SLC25A26: variants seen among roughly 807,000 people sequenced by gnomAD.
The protein encoded by SLC25A26 is mitochondrial S-adenosylmethionine carrier protein.
Under a neutral mutation model 37.8 loss-of-function variants are expected in SLC25A26, and 36 were observed. The observed-to-expected ratio is 0.95, with a 90% CI of 0.73 to 1.26. The LOEUF (loss-of-function observed/expected upper bound fraction) is 1.26, where lower values mean the gene tolerates loss of function less well. Ranked by LOEUF, SLC25A26 falls within the 50% of genes most tolerant of loss-of-function variation. SLC25A26 has a pLI of 0.00. For missense variants in SLC25A26, 390 were observed against 331.1 expected (o/e 1.18, Z -1.38); for synonymous variants, 129 against 122.5 (o/e 1.05, Z -0.35).
chr3:66,162,903 G>T (rs543613365), intron 1 of SLC25A26, among the ~76,000 whole-genome samples: 84 of 152,312 alleles, frequency 5.5e-4, no homozygotes, highest in African/African-American at 1.9e-3. Context: ...GAAAGCTTAG[G>T]CTCAGAGAGA....
At chr3:66,171,482 C>A (rs539989645) in intron 1 of SLC25A26, among the ~76,000 whole-genome samples, 2 of 152,002 alleles carry the variant, frequency 1.3e-5, no homozygotes, top group African/African-American at 4.8e-5. Context: ...AATGAAGGAC[C>A]CTGAGATTTT....
chr3:66,175,123 A>G (rs1254705144), intron 1 of SLC25A26, among the ~76,000 whole-genome samples: 5 of 90,664 alleles, frequency 5.5e-5, no homozygotes, highest in African/African-American at 2.3e-4. Flanking sequence ...ATATATATAT[A>G]TATATATATA....
intron 5 of SLC25A26, among the ~76,000 whole-genome samples, chr3:66,269,607 T>G (rs1235931316): frequency 1.3e-5 from 2 of 152,214 alleles, no homozygotes; most frequent in East Asian, 3.8e-4. Flanking sequence ...TTGCACCAGT[T>G]GGATGTTTTC....
At chr3:66,208,252 G>C (rs1210455104) in intron 1 of SLC25A26, among the ~76,000 whole-genome samples, 1 of 152,088 alleles carries the variant, frequency 6.6e-6, no homozygotes, top group African/African-American at 2.4e-5. Flanking sequence ...TAAAAAGAGA[G>C]ATGATTTTCT....
intron 1 of SLC25A26, among the ~76,000 whole-genome samples, chr3:66,187,086 A>G (rs994098341): frequency 6.6e-6 from 1 of 151,194 alleles, no homozygotes; most frequent in African/African-American, 2.4e-5. Context: ...GCCTTGGCCA[A>G]CTCCAATCTT....
At position 66,204,252 on chromosome 3, in the gene SLC25A26, C is replaced by T. The variant is rs1209546466; in HGVS notation, c.-353-16490C>T. Among the ~76,000 whole-genome samples the T allele has an allele frequency of 2.6e-5, 4 of 151,580 alleles. No homozygotes were observed. In the East Asian group the frequency reaches 5.8e-4, roughly 22 times the overall value. On this transcript the variant is annotated intron_variant, in intron 1 of 10. Transcript: ENST00000676754. The stretch of plus-strand genomic sequence containing the variant: ...CATCCTGGCTAACACGGTGAAACCC[C>T]GTCTCTGCTTAAAATACAAAAAAAT...
intron 1 of SLC25A26, among the ~76,000 whole-genome samples, chr3:66,209,892 C>A (rs1466375802): frequency 0.029 from 709 of 24,502 alleles, 65 homozygotes; most frequent in African/African-American, 0.081. Context: ...CTCTCTCTCT[C>A]TCTATTTATA....
chr3:66,150,349 T>C (rs1055297561), intron 1 of SLC25A26, among the ~76,000 whole-genome samples: 2 of 150,016 alleles, frequency 1.3e-5, no homozygotes, highest in Non-Finnish European at 3.0e-5. Context: ...AATACAAAAA[T>C]TAGCTGGGCA....
intron 5 of SLC25A26, among the ~76,000 whole-genome samples, chr3:66,298,370 A>G (rs1045432371): frequency 1.3e-5 from 2 of 152,220 alleles, no homozygotes; most frequent in Non-Finnish European, 2.9e-5. Flanking sequence ...TTTTAATATA[A>G]TGAGAAATTT....
At chr3:66,365,875 G>C (rs1401503247) in intron 7 of SLC25A26, among the ~76,000 whole-genome samples, 1 of 152,196 alleles carries the variant, frequency 6.6e-6, no homozygotes, top group African/African-American at 2.4e-5. Flanking sequence ...GTAGGGTCTG[G>C]AGGAGCAATG....
chr3:66,338,157 C>T (rs192133174), intron 5 of SLC25A26, among the ~76,000 whole-genome samples: 9 of 151,988 alleles, frequency 5.9e-5, no homozygotes, highest in Admixed American at 5.9e-4. Flanking sequence ...AAGGGTTGTC[C>T]ATGTTACAGC....
At chr3:66,209,892 C>CATATATA (rs2071254603) in intron 1 of SLC25A26, among the ~76,000 whole-genome samples, 1 of 24,690 alleles carries the variant, frequency 4.1e-5, no homozygotes, top group African/African-American at 1.3e-4. Flanking sequence ...CTCTCTCTCT[C>CATATATA]TCTATTTATA....
At chr3:66,371,737 C>T (rs566277955) in intron 9 of SLC25A26, among the ~76,000 whole-genome samples, 1 of 152,188 alleles carries the variant, frequency 6.6e-6, no homozygotes, top group South Asian at 2.1e-4. Flanking sequence ...GCTGCCAGTT[C>T]CACAGCAAAC....
intron 5 of SLC25A26, among the ~76,000 whole-genome samples, chr3:66,278,664 A>C (rs2074236963): frequency 6.6e-6 from 1 of 152,136 alleles, no homozygotes; most frequent in South Asian, 2.1e-4. Context: ...TCATTTTAGA[A>C]ACTTTAAGTT....
At chr3:66,293,939 G>T (rs768309823) in intron 5 of SLC25A26, among the ~76,000 whole-genome samples, 3 of 152,168 alleles carry the variant, frequency 2.0e-5, no homozygotes, top group African/African-American at 7.2e-5. Context: ...AGAGCTTGAA[G>T]TCTGGTAGTG....
chr3:66,326,536 G>A (rs2075842176), intron 5 of SLC25A26, among the ~76,000 whole-genome samples: 1 of 152,214 alleles, frequency 6.6e-6, no homozygotes. Context: ...GAGGCAGTGA[G>A]TGGAATCTCC....
At chr3:66,264,848 G>C (rs991488598) in intron 5 of SLC25A26, among the ~76,000 whole-genome samples, 1 of 152,148 alleles carries the variant, frequency 6.6e-6, no homozygotes, top group African/African-American at 2.4e-5. Context: ...TGGAGTCCTG[G>C]CACTGCAGGT....
At chr3:66,320,603 T>C (rs1478656745) in intron 5 of SLC25A26, among the ~76,000 whole-genome samples, 1 of 152,208 alleles carries the variant, frequency 6.6e-6, no homozygotes, top group African/African-American at 2.4e-5. Context: ...TGTATACCTA[T>C]AAGTGGAGTT....
intron 3 of SLC25A26, among the ~76,000 whole-genome samples, chr3:66,244,816 C>CA (rs898402415): frequency 1.3e-3 from 187 of 144,862 alleles, no homozygotes; most frequent in Admixed American, 2.3e-3. Flanking sequence ...ACTGAAAATA[C>CA]AAAAAAAAAA....
Sources: gnomAD v4.1 joint callset for allele counts (sites outside exome capture counted in the v4.1 genomes callset) on GRCh38, gnomAD v4.1.1 for gene constraint, MANE v1.5 for transcripts, NCBI Gene and HGNC (gene_info 2026-07-23, HGNC 2026-07-21) for gene names.